Variants in MAB21L3 observed in about 807,000 individuals in gnomAD.
The protein encoded by MAB21L3 is mab-21 like 3.
MAB21L3 carries 36 observed loss-of-function variants against 37.7 expected under a neutral mutation model. The ratio of observed to expected loss-of-function variants is 0.96; its 90% CI spans 0.73 to 1.26. MAB21L3 has a LOEUF of 1.26. Ranked by LOEUF, MAB21L3 falls within the 50% of genes most tolerant of loss-of-function variation. The probability of loss-of-function intolerance (pLI) is 0.00; values close to 1 mark genes in which losing one functional copy is unlikely to be tolerated. For missense variants in MAB21L3, 430 were observed against 447.3 expected (o/e 0.96, Z 0.35); for synonymous variants, 186 against 176.8 (o/e 1.05, Z -0.41).
rs1477956106 is a variant in MAB21L3, at chr1:116,133,338, G to A, written c.1062G>A (p.Leu354=). ...TGGCCCAAAAGCTGGCCACCTTCCT[G>A]AAGAACCCCCAGATCGGCCCGCCCT... The part of the protein sequence containing the change: ...DTVAQKLATF[L]KNPQIGPP The change falls in exon 8 of 8, where the codon CTG becomes CTA. Residue 354 remains leucine (L), a synonymous_variant. Coordinates refer to ENST00000369500, the MANE Select transcript of MAB21L3 (RefSeq NM_152367.3). The A allele has an allele frequency of 1.9e-6, 3 of 1,614,106 alleles. No homozygotes were observed. Among genetic ancestry groups the A allele is most frequent in the Admixed American group, 1.7e-5 (1 of 60,012 alleles).
At chr1:116,120,425 AC>A (rs1659709790) in intron 3 of MAB21L3, among the ~76,000 whole-genome samples, 2 of 124,906 alleles carry the variant, frequency 1.6e-5, no homozygotes, top group South Asian at 4.4e-4. Context: ...ACACACACAC[AC>A]ACACAAACAC....
chr1:116,119,216 T>C (rs989736953), intron 3 of MAB21L3, among the ~76,000 whole-genome samples: 1 of 152,238 alleles, frequency 6.6e-6, no homozygotes, highest in Non-Finnish European at 1.5e-5. Flanking sequence ...TGTGAATGCA[T>C]GGCCGGGTCT....
At chr1:116,131,572 C>T (rs1192440357) in intron 7 of MAB21L3, among the ~76,000 whole-genome samples, 5 of 152,074 alleles carry the variant, frequency 3.3e-5, no homozygotes, top group East Asian at 1.9e-4. Context: ...TGGAGTGCAG[C>T]GGCATGATCT....
At chr1:116,118,731 C>T (rs1190968663) in intron 3 of MAB21L3, among the ~76,000 whole-genome samples, 2 of 152,230 alleles carry the variant, frequency 1.3e-5, no homozygotes, top group African/African-American at 2.4e-5. Flanking sequence ...TCTTTGTGCG[C>T]CTCAGGCCTG....
intron 7 of MAB21L3, among the ~76,000 whole-genome samples, chr1:116,128,790 A>C (rs1300660623): frequency 6.6e-6 from 1 of 152,174 alleles, no homozygotes; most frequent in Non-Finnish European, 1.5e-5. Context: ...CTCCTCATGC[A>C]CACAGACCCA....
intron 3 of MAB21L3, among the ~76,000 whole-genome samples, chr1:116,118,729 C>A (rs945728792): frequency 3.3e-5 from 5 of 152,182 alleles, no homozygotes; most frequent in African/African-American, 9.6e-5. Context: ...TCTCTTTGTG[C>A]GCCTCAGGCC....
intron 2 of MAB21L3, among the ~76,000 whole-genome samples, chr1:116,112,100 A>G (rs1486279183): frequency 1.3e-5 from 2 of 151,922 alleles, no homozygotes; most frequent in African/African-American, 4.8e-5. Flanking sequence ...AATCCGTGGG[A>G]TTTTCTGGCT....
At chr1:116,130,280 A>T (rs1172042019) in intron 7 of MAB21L3, among the ~76,000 whole-genome samples, 1 of 152,158 alleles carries the variant, frequency 6.6e-6, no homozygotes, top group Non-Finnish European at 1.5e-5. Context: ...CTCCTAAGTC[A>T]CCTGGTGGAT....
rs757389046 is a variant in MAB21L3, at chr1:116,124,276, G to A, written c.400G>A (p.Asp134Asn). 1.2e-5 allele frequency: 19 copies of A among 1,614,130 alleles called. No homozygotes were observed. Among genetic ancestry groups the A allele is most frequent in the East Asian group, 2.2e-5 (1 of 44,876 alleles). ...GTGGCATGAGACAGATGTGAACATC[G>A]ACGGAGACATTGTGCCTGCCAAGGT... is the stretch of plus-strand genomic sequence containing the variant. ...WQWHETDVNI[D>N]GDIVPAKVLL... Residue 134 changes from aspartate to asparagine, a missense_variant, in exon 5 of 8, where the codon GAC (aspartate) becomes AAC (asparagine). Asp to Asn is a conservative substitution (Grantham distance 23). Transcript: ENST00000369500.
chr1:116,125,037 G>GA (rs1457497862), intron 5 of MAB21L3, among the ~76,000 whole-genome samples: 1 of 146,560 alleles, frequency 6.8e-6, no homozygotes, highest in Non-Finnish European at 1.5e-5. Context: ...AAAAAAAAAG[G>GA]AATCACAGAA....
intron 2 of MAB21L3, among the ~76,000 whole-genome samples, chr1:116,112,049 T>A (rs771601991): frequency 9.2e-5 from 14 of 152,220 alleles, no homozygotes; most frequent in African/African-American, 3.4e-4. Context: ...AGGCTGGTTG[T>A]TGGGCAGTTT....
chr1:116,135,350 C>T lies in MAB21L3; in HGVS notation c.*1985C>T, dbSNP rs1487240219. 6.6e-6 allele frequency: 1 copy of T among 152,168 alleles called. No individual in the cohort carries two copies. The highest frequency in any genetic ancestry group is 1.9e-4 in the East Asian group (1 of 5,202). 9.4% of individuals were successfully genotyped at this position (152,168 alleles called of 1,614,324 possible). A position where few individuals can be genotyped will look rare whatever the true frequency, so the allele number is the denominator to read the frequency against. On this transcript the variant is annotated 3_prime_UTR_variant, in exon 8 of 8. Transcript: ENST00000369500. ...TACCATCAGAGAATACTACAAACTCCTCTACGCAAATAAACTAGAAAATCT... is the reference window on the plus strand; with the variant it reads ...TACCATCAGAGAATACTACAAACTCTTCTACGCAAATAAACTAGAAAATCT...
chr1:116,130,216 C>T (rs1207873024), intron 7 of MAB21L3, among the ~76,000 whole-genome samples: 1 of 152,204 alleles, frequency 6.6e-6, no homozygotes. Context: ...ATCTCCCAGC[C>T]ATGGCTGCTT....
rs1659449708 is a variant in MAB21L3, at chr1:116,112,504, A to G, written c.-112A>G. 3 of 915,838 alleles carry G rather than the reference A, an allele frequency of 3.3e-6. No homozygotes were observed. The highest frequency in any genetic ancestry group is 3.1e-5 in the South Asian group (2 of 64,534). The allele number at this position is 915,838 out of a possible 1,614,324, so 56.7% of individuals were successfully genotyped here. On this transcript the variant is annotated 5_prime_UTR_variant, in exon 3 of 8. Coordinates refer to ENST00000369500, the MANE Select transcript of MAB21L3 (RefSeq NM_152367.3). ...TTACACACTTCCAGAAAAACTTAGT[A>G]CCCAGAGACTCACATTACTGGGAGT...
At chr1:116,114,236 G>A (rs1281267867) in intron 3 of MAB21L3, among the ~76,000 whole-genome samples, 1 of 152,158 alleles carries the variant, frequency 6.6e-6, no homozygotes, top group Non-Finnish European at 1.5e-5. Context: ...AGTTTCTGGA[G>A]GGAAGAACAG....
In MAB21L3 at chr1:116,135,443, C is replaced by G. The variant is rs1660182003; in HGVS notation, c.*2078C>G. On this transcript the variant is annotated 3_prime_UTR_variant, in exon 8 of 8. Coordinates refer to ENST00000369500, the MANE Select transcript of MAB21L3 (RefSeq NM_152367.3). ...ACTAAACCAGGAAGAAGTTGAATCT[C>G]TGAATAGACCAATAACAGGATCTGA... Among the ~76,000 whole-genome samples the G allele has an allele frequency of 6.6e-6, 1 of 152,052 alleles. No individual in the cohort carries two copies. Among genetic ancestry groups the G allele is most frequent in the African/African-American group, 2.4e-5 (1 of 41,384 alleles).
rs1215496913 is a variant in MAB21L3, at chr1:116,136,532, C to G, written c.*3167C>G. On this transcript the variant is annotated 3_prime_UTR_variant, in exon 8 of 8. Transcript: ENST00000369500. ...CATGGGTAGGAAGAATCAATATCGTCAAAATGGCCAGACTGCCCAAGGTAA... is the reference window on the plus strand; with the variant it reads ...CATGGGTAGGAAGAATCAATATCGTGAAAATGGCCAGACTGCCCAAGGTAA... Among the ~76,000 whole-genome samples, 2,637 of 151,954 alleles carry G rather than the reference C, an allele frequency of 0.017. 50 individuals are homozygous for G. Among genetic ancestry groups the G allele is most frequent in the Middle Eastern group, 0.031 (9 of 292 alleles).
chr1:116,124,937 GAA>G (rs1255777028), intron 5 of MAB21L3, among the ~76,000 whole-genome samples: 2 of 150,428 alleles, frequency 1.3e-5, no homozygotes, highest in Non-Finnish European at 3.0e-5. Flanking sequence ...GCGAAAAGGT[GAA>G]TTTCAAACTG....
chr1:116,115,075 G>T (rs556086053), intron 3 of MAB21L3, among the ~76,000 whole-genome samples: 2 of 152,086 alleles, frequency 1.3e-5, no homozygotes, highest in African/African-American at 4.8e-5. Flanking sequence ...TACTAACTTT[G>T]GGAACCTGGG....
Sources: allele counts gnomAD v4.1 joint callset (sites outside exome capture counted in the v4.1 genomes callset), GRCh38; gene constraint gnomAD v4.1.1; transcripts MANE v1.5; gene names NCBI Gene and HGNC (gene_info 2026-07-23, HGNC 2026-07-21).